Variants in RNF111 observed in about 807,000 individuals in gnomAD.
The protein encoded by RNF111 is ring finger protein 111.
Under a neutral mutation model 95.1 loss-of-function variants are expected in RNF111, and 17 were observed. That is an observed-to-expected ratio of 0.18 (90% confidence interval 0.12 to 0.27). The LOEUF is 0.27. Ranked by LOEUF, RNF111 falls within the 10% of genes least tolerant of loss-of-function variation. RNF111 has a pLI of 1.00. For synonymous variants in RNF111, 440 were observed against 414.8 expected, an observed-to-expected ratio of 1.06 and a Z score of -0.74; for missense variants, 1,189 against 1,210.4, an observed-to-expected ratio of 0.98 and a Z score of 0.26.
chr15:59,022,084 T>G (rs1358375849), intron 1 of RNF111, among the ~76,000 whole-genome samples: 3 of 152,170 alleles, frequency 2.0e-5, no homozygotes, highest in Non-Finnish European at 2.9e-5. Context: ...GGACTCGAAC[T>G]CCTGACCTAA....
intron 1 of RNF111, chr15:59,003,900 ATGTAT>A (rs2039430273): frequency 6.4e-6 from 1 of 157,304 alleles, no homozygotes; most frequent in Non-Finnish European, 1.4e-5. Flanking sequence ...GTGATAGCTA[ATGTAT>A]TGTCAGTGAT....
intron 13 of RNF111, among the ~76,000 whole-genome samples, chr15:59,093,792 T>C (rs2079123833): frequency 6.6e-6 from 1 of 152,182 alleles, no homozygotes; most frequent in African/African-American, 2.4e-5. Flanking sequence ...ACCTCTTCAG[T>C]TGGCTGAGAA....
chr15:58,998,278 A>G (rs1223658435), intron 1 of RNF111, among the ~76,000 whole-genome samples: 3 of 151,190 alleles, frequency 2.0e-5, no homozygotes, highest in Non-Finnish European at 4.4e-5. Context: ...GTTCAGGGGT[A>G]TAAATGCAGG....
intron 3 of RNF111, 148 bp from the exon 4 acceptor site, chr15:59,055,534 G>C: frequency 2.9e-6 from 1 of 347,144 alleles, no homozygotes. Context: ...AGTTTACCGA[G>C]TGCCAGTCAT....
intron 11 of RNF111, among the ~76,000 whole-genome samples, chr15:59,090,148 TGAATTTTCAG>T (rs1368674986): frequency 6.6e-6 from 1 of 152,218 alleles, no homozygotes; most frequent in Non-Finnish European, 1.5e-5. Flanking sequence ...ATGTCTTGTT[TGAATTTTCAG>T]GAAGAACAAA....
intron 12 of RNF111, among the ~76,000 whole-genome samples, chr15:59,091,577 T>G (rs1230468260): frequency 6.6e-6 from 1 of 152,232 alleles, no homozygotes; most frequent in Non-Finnish European, 1.5e-5. Context: ...TACTGTAATT[T>G]TTTTAACTAG....
chr15:59,013,902 C>A (rs191536200), intron 1 of RNF111, among the ~76,000 whole-genome samples: 212 of 152,096 alleles, frequency 1.4e-3, no homozygotes, highest in African/African-American at 4.5e-3. Context: ...AATTCTTATG[C>A]CTCAGCGTCC....
chr15:59,068,238 C>A (rs1316290075), intron 6 of RNF111, among the ~76,000 whole-genome samples: 18 of 151,224 alleles, frequency 1.2e-4, no homozygotes, highest in South Asian at 2.1e-4. Flanking sequence ...ACAACAACAA[C>A]AAAAAACAAA....
chr15:59,001,558 C>T (rs1393627291), intron 1 of RNF111, among the ~76,000 whole-genome samples: 1 of 151,974 alleles, frequency 6.6e-6, no homozygotes, highest in Non-Finnish European at 1.5e-5. Flanking sequence ...GACAGTTTTA[C>T]CAGGAAAAAG....
chr15:58,999,410 A>G (rs1315658578), intron 1 of RNF111, among the ~76,000 whole-genome samples: 1 of 152,136 alleles, frequency 6.6e-6, no homozygotes, highest in African/African-American at 2.4e-5. Flanking sequence ...ATCTCAGTTC[A>G]CTGCAATCTC....
chr15:59,021,929 C>T (rs1177590069), intron 1 of RNF111, among the ~76,000 whole-genome samples: 1 of 152,060 alleles, frequency 6.6e-6, no homozygotes, highest in East Asian at 1.9e-4. Flanking sequence ...GACGTGACCT[C>T]ACCTCACTGC....
At chr15:59,043,569 C>G (rs1418382971) in intron 2 of RNF111, among the ~76,000 whole-genome samples, 1 of 152,110 alleles carries the variant, frequency 6.6e-6, no homozygotes, top group Non-Finnish European at 1.5e-5. Flanking sequence ...TGAGCAGGCT[C>G]CTGTAGGTAG....
chr15:59,075,039 C>T (rs1368389561), intron 6 of RNF111, among the ~76,000 whole-genome samples: 1 of 152,170 alleles, frequency 6.6e-6, no homozygotes, highest in Non-Finnish European at 1.5e-5. Flanking sequence ...CTTATATGGG[C>T]ACAGTTCTTG....
chr15:59,092,770 G>A, intron 13 of RNF111, 130 bp downstream of exon 13: 1 of 880,592 alleles, frequency 1.1e-6, no homozygotes, highest in Non-Finnish European at 1.7e-6. Context: ...AAGGCCAGAG[G>A]CTCTCTTGAG....
chr15:59,094,247 A>G (rs1476784148), intron 13 of RNF111, among the ~76,000 whole-genome samples: 8 of 152,306 alleles, frequency 5.3e-5, no homozygotes, highest in East Asian at 1.9e-4. Flanking sequence ...CTTAAGTTTA[A>G]TGTGTAAAGA....
At chr15:59,005,129 A>G (rs71478699) in intron 1 of RNF111, among the ~76,000 whole-genome samples, 8,710 of 152,226 alleles carry the variant, frequency 0.057, 425 homozygotes, top group East Asian at 0.25. Context: ...ACTGTCAGCC[A>G]TTAAAGTGTC....
intron 2 of RNF111, among the ~76,000 whole-genome samples, chr15:59,037,558 C>T (rs115995534): frequency 0.023 from 3,457 of 152,160 alleles, 49 homozygotes; most frequent in African/African-American, 0.038. Flanking sequence ...TAGGTATTGC[C>T]GGGCGTGGTG....
intron 2 of RNF111, among the ~76,000 whole-genome samples, chr15:59,042,753 T>G (rs919563835): frequency 1.3e-5 from 2 of 152,232 alleles, no homozygotes; most frequent in African/African-American, 4.8e-5. Context: ...TGGGCCTGTT[T>G]ATGGAGTTTT....
At chr15:59,053,432 T>C (rs935006685) in intron 3 of RNF111, among the ~76,000 whole-genome samples, 10 of 152,226 alleles carry the variant, frequency 6.6e-5, no homozygotes, top group Admixed American at 5.9e-4. Context: ...TAGAAGTGCA[T>C]TTGCTTATTG....
Sources: allele counts gnomAD v4.1 joint callset (sites outside exome capture counted in the v4.1 genomes callset), GRCh38; gene constraint gnomAD v4.1.1; transcripts MANE v1.5; gene names NCBI Gene and HGNC (gene_info 2026-07-23, HGNC 2026-07-21).